CLMP: variants seen among roughly 807,000 people sequenced by gnomAD.
The protein encoded by CLMP is CXADR-like membrane protein.
In CLMP, 27 loss-of-function variants were observed where a neutral mutation model predicts 45.2. That is an observed-to-expected ratio of 0.60 (90% CI 0.44 to 0.82). The LOEUF (loss-of-function observed/expected upper bound fraction) is 0.82, where lower values mean the gene tolerates loss of function less well. Among genes scored for constraint, CLMP ranks in the 40% least tolerant of loss-of-function variants. The probability of loss-of-function intolerance (pLI) is 0.00; values close to 1 mark genes in which losing one functional copy is unlikely to be tolerated. For synonymous variants in CLMP, 167 were observed against 171.4 expected, an observed-to-expected ratio of 0.97 and a Z score of 0.20; for missense variants, 403 against 448.4, an observed-to-expected ratio of 0.90 and a Z score of 0.91.
rs1205791454 is a variant in CLMP at position 123,195,228 on chromosome 11, T to C, written c.-288A>G. 1 of 233,268 alleles carries C rather than the reference T, an allele frequency of 4.3e-6. No individual in the cohort carries two copies. Among genetic ancestry groups the C allele is most frequent in the Non-Finnish European group, 8.2e-6 (1 of 122,056 alleles). The allele number at this position is 233,268 out of a possible 1,614,324, so 14.4% of individuals were successfully genotyped here. ...TACCGCTTCGTGGAACACTTTTCCC[T>C]GTTTGGAAAGAAAAAGGAGTGAAGA... On this transcript the variant is annotated 5_prime_UTR_variant, in exon 1 of 7. Transcript: ENST00000448775.
At chr11:123,172,701 G>A (rs1861652439) in intron 1 of CLMP, among the ~76,000 whole-genome samples, 1 of 151,684 alleles carries the variant, frequency 6.6e-6, no homozygotes, top group Admixed American at 6.6e-5. Context: ...GCCCAGGCTG[G>A]TCTCAAACTC....
At chr11:123,143,652 G>A (rs746792180) in intron 1 of CLMP, among the ~76,000 whole-genome samples, 3 of 152,162 alleles carry the variant, frequency 2.0e-5, no homozygotes, top group Non-Finnish European at 2.9e-5. Context: ...GTGGAAGTAC[G>A]TCCTCACATC....
Position 123,072,271 on chromosome 11 carries a change from A to C in CLMP, c.*1203T>G, listed in dbSNP as rs1341093490. 1 of 152,114 alleles carries C rather than the reference A, an allele frequency of 6.6e-6. No individual in the cohort carries two copies. The highest frequency in any genetic ancestry group is 6.6e-5 in the Admixed American group (1 of 15,264). The allele number at this position is 152,114 out of a possible 1,614,324, so 9.4% of individuals were successfully genotyped here. ...AAATGGAAGAAATGGAGGAAGTTCCAAGTGTGGTACAATACTGAACTTCCT... is the reference window on the plus strand; with the variant it reads ...AAATGGAAGAAATGGAGGAAGTTCCCAGTGTGGTACAATACTGAACTTCCT... On this transcript the variant is annotated 3_prime_UTR_variant, in exon 7 of 7. Transcript: ENST00000448775.
intron 1 of CLMP, among the ~76,000 whole-genome samples, chr11:123,174,186 CA>C (rs1271677328): frequency 1.3e-5 from 2 of 152,210 alleles, no homozygotes; most frequent in Non-Finnish European, 2.9e-5. Flanking sequence ...GAGGCCAAGA[CA>C]TTGTCCTTCA....
chr11:123,076,867 C>A (rs1308605567), intron 5 of CLMP, among the ~76,000 whole-genome samples: 1 of 151,382 alleles, frequency 6.6e-6, no homozygotes, highest in Non-Finnish European at 1.5e-5. Flanking sequence ...GGCTAGGAGG[C>A]GTATAATAGT....
intron 2 of CLMP, among the ~76,000 whole-genome samples, chr11:123,097,186 G>C (rs1866000631): frequency 6.6e-6 from 1 of 151,654 alleles, no homozygotes; most frequent in Admixed American, 6.6e-5. Context: ...ACAGGGTCTT[G>C]CTGTATTGCC....
intron 1 of CLMP, among the ~76,000 whole-genome samples, chr11:123,138,889 A>C (rs1319735176): frequency 6.6e-6 from 1 of 152,142 alleles, no homozygotes; most frequent in Non-Finnish European, 1.5e-5. Context: ...TCCTGACCTC[A>C]GGTGATCCAC....
chr11:123,118,096 CA>C (rs1208616704), intron 1 of CLMP, among the ~76,000 whole-genome samples: 1 of 152,150 alleles, frequency 6.6e-6, no homozygotes, highest in Admixed American at 6.6e-5. Flanking sequence ...GGCTTTAAAA[CA>C]ACCAGTGTAT....
chr11:123,119,696 T>TG (rs1408415654), intron 1 of CLMP, among the ~76,000 whole-genome samples: 1 of 151,674 alleles, frequency 6.6e-6, no homozygotes, highest in East Asian at 1.9e-4. Context: ...ATTTTGTTGT[T>TG]TTTTTTTTGA....
chr11:123,118,975 T>G (rs150209276), intron 1 of CLMP, among the ~76,000 whole-genome samples: 1 of 46,130 alleles, frequency 2.2e-5, no homozygotes, highest in East Asian at 6.1e-4. Flanking sequence ...CTTTCTTTCT[T>G]TCTTTCTTTC....
chr11:123,179,021 A>G (rs1591488378), intron 1 of CLMP, among the ~76,000 whole-genome samples: 4 of 152,284 alleles, frequency 2.6e-5, no homozygotes, highest in Non-Finnish European at 5.9e-5. Context: ...CCTGGCCTCA[A>G]GCAATCCTCC....
At chr11:123,083,064 A>G in intron 5 of CLMP, 21 bp downstream of exon 5, 1 of 1,611,522 alleles carries the variant, frequency 6.2e-7, no homozygotes, top group Non-Finnish European at 8.5e-7. Context: ...AAATGAAACT[A>G]AAACCTCTTT....
intron 1 of CLMP, among the ~76,000 whole-genome samples, chr11:123,129,537 C>T (rs1860953831): frequency 1.5e-5 from 2 of 135,444 alleles, no homozygotes; most frequent in Admixed American, 1.6e-4. Context: ...ATTGAATATT[C>T]AATTTCAAAA....
intron 1 of CLMP, among the ~76,000 whole-genome samples, chr11:123,179,003 C>T (rs1340289255): frequency 6.6e-6 from 1 of 152,146 alleles, no homozygotes; most frequent in Non-Finnish European, 1.5e-5. Context: ...TCAGGCTGGT[C>T]TCCAACTCCT....
At chr11:123,074,914 A>G in intron 5 of CLMP, 71 bp from the exon 6 acceptor site, 1 of 1,535,084 alleles carries the variant, frequency 6.5e-7, no homozygotes, top group Non-Finnish European at 8.8e-7. Flanking sequence ...AACTCAAAAA[A>G]CATAAGCTCT....
intron 1 of CLMP, among the ~76,000 whole-genome samples, chr11:123,157,929 C>T (rs1452535094): frequency 2.6e-5 from 4 of 152,026 alleles, no homozygotes; most frequent in Non-Finnish European, 5.9e-5. Context: ...CAACACAGTA[C>T]TGCCCCATTG....
chr11:123,175,391 TG>T (rs1269612911), intron 1 of CLMP, among the ~76,000 whole-genome samples: 1 of 150,132 alleles, frequency 6.7e-6, no homozygotes, highest in Admixed American at 6.6e-5. Context: ...GAGAACAGCA[TG>T]GGGGGAACCA....
At chr11:123,194,784 G>A in intron 1 of CLMP, 129 bp downstream of exon 1, 1 of 1,137,600 alleles carries the variant, frequency 8.8e-7, no homozygotes, top group Non-Finnish European at 1.3e-6. Context: ...GTGGCCAGGA[G>A]GCAGGGACTG....
At chr11:123,133,179 T>G (rs979341665) in intron 1 of CLMP, among the ~76,000 whole-genome samples, 2 of 152,086 alleles carry the variant, frequency 1.3e-5, no homozygotes, top group African/African-American at 4.8e-5. Context: ...ATCCACAGGC[T>G]CTAATGACTG....
Sources: allele counts gnomAD v4.1 joint callset (sites outside exome capture counted in the v4.1 genomes callset), GRCh38; gene constraint gnomAD v4.1.1; transcripts MANE v1.5; gene names NCBI Gene and HGNC (gene_info 2026-07-23, HGNC 2026-07-21).